MORN1: variants seen among roughly 807,000 people sequenced by gnomAD.
The protein encoded by MORN1 is MORN repeat-containing protein 1.
Under a neutral mutation model 61.9 loss-of-function variants are expected in MORN1, and 67 were observed. The observed-to-expected ratio is 1.08, with a 90% CI of 0.89 to 1.33. The LOEUF is 1.33. MORN1 is among the 40% of genes most tolerant of loss of function. The pLI, the probability that MORN1 is intolerant of heterozygous loss-of-function variation, is 0.00. For synonymous variants in MORN1, 301 were observed against 292.0 expected (o/e 1.03, Z -0.31); for missense variants, 752 against 691.2 (o/e 1.09, Z -0.99).
chr1:2,387,033 T>G, intron 4 of MORN1: 1 of 212,548 alleles, frequency 4.7e-6, no homozygotes, highest in Non-Finnish European at 9.7e-6. Flanking sequence ...CTGGCAGAGT[T>G]GCTGTGACTA....
chr1:2,353,344 C>A (rs1390698847), intron 10 of MORN1, among the ~76,000 whole-genome samples: 3 of 152,264 alleles, frequency 2.0e-5, no homozygotes, highest in Non-Finnish European at 4.4e-5. Flanking sequence ...CCTGTCCCTG[C>A]TGGCTGGTTG....
intron 9 of MORN1, among the ~76,000 whole-genome samples, chr1:2,358,319 G>C (rs1438703998): frequency 2.0e-5 from 3 of 152,146 alleles, no homozygotes; most frequent in Non-Finnish European, 4.4e-5. Flanking sequence ...CTCCAGACAC[G>C]GACCCAGGCC....
intron 10 of MORN1, among the ~76,000 whole-genome samples, chr1:2,345,087 G>C (rs184052726): frequency 1.3e-5 from 2 of 151,900 alleles, no homozygotes; most frequent in Non-Finnish European, 2.9e-5. Flanking sequence ...GGGTCCACGC[G>C]TGCTCACGCT....
intron 10 of MORN1, among the ~76,000 whole-genome samples, chr1:2,339,906 G>A (rs959234263): frequency 1.3e-5 from 2 of 152,240 alleles, no homozygotes; most frequent in South Asian, 2.1e-4. Flanking sequence ...GCTGCTCCCC[G>A]TGGAGCACGG....
chr1:2,335,747 C>G (rs1641251160), intron 12 of MORN1, among the ~76,000 whole-genome samples: 1 of 151,712 alleles, frequency 6.6e-6, no homozygotes. Context: ...AACCCAGCAG[C>G]TCCTCCACAG....
intron 8 of MORN1, among the ~76,000 whole-genome samples, chr1:2,360,228 A>G (rs767302507): frequency 9.2e-5 from 14 of 152,216 alleles, no homozygotes; most frequent in Non-Finnish European, 1.8e-4. Flanking sequence ...AAGATCTGGC[A>G]AAGGAGACAC....
chr1:2,363,054 C>T (rs1641924175), intron 8 of MORN1: 1 of 152,164 alleles, frequency 6.6e-6, no homozygotes, highest in Non-Finnish European at 1.5e-5. Context: ...TGTGGGTCAA[C>T]AGAAGAGACT....
intron 8 of MORN1, among the ~76,000 whole-genome samples, chr1:2,370,317 T>A (rs1398779810): frequency 6.6e-6 from 1 of 152,222 alleles, no homozygotes; most frequent in Non-Finnish European, 1.5e-5. Context: ...AATTTAGAAC[T>A]TTATCTTTTC....
At chr1:2,380,273 A>T (rs969753909) in intron 6 of MORN1, among the ~76,000 whole-genome samples, 1 of 152,196 alleles carries the variant, frequency 6.6e-6, no homozygotes, top group African/African-American at 2.4e-5. Context: ...GGAAGCTGAC[A>T]AAGTTCTGGA....
intron 10 of MORN1, among the ~76,000 whole-genome samples, chr1:2,338,800 T>A (rs1641336386): frequency 1.3e-5 from 2 of 152,132 alleles, no homozygotes; most frequent in African/African-American, 4.8e-5. Context: ...TGCCTGGTGA[T>A]CACAATGGCT....
rs376157869 is a variant in MORN1 at position 2,342,838 on chromosome 1, TTA to T, written c.1037-5990_1037-5989del. Among the ~76,000 whole-genome samples the T allele has an allele frequency of 8.2e-3, 713 of 86,856 alleles. 4 individuals are homozygous for T. The highest frequency in any genetic ancestry group is 0.011 in the Non-Finnish European group (449 of 39,382). The allele number at this position is 86,856 out of a possible 152,430, so 57.0% of individuals were successfully genotyped here. A position where few individuals can be genotyped will look rare whatever the true frequency, so the allele number is the denominator to read the frequency against. On this transcript the variant is annotated intron_variant, in intron 10 of 13. Transcript: ENST00000378531. ...GCCTTTTTAAATATTTTATTTTATT[TTA>T]TATTTTATTTTATTTTATTTTATTT... is the stretch of plus-strand genomic sequence containing the variant.
Position 2,321,570 on chromosome 1 carries a change from A to C in MORN1, c.1307T>G (p.Val436Gly), listed in dbSNP as rs1158974120. The change falls in exon 14 of 14, where the codon GTG becomes GGG. Residue 436 changes from valine (V) to glycine (G), a missense_variant. Val to Gly is a moderately radical substitution (Grantham distance 109). Coordinates refer to ENST00000378531, the MANE Select transcript of MORN1 (RefSeq NM_024848.3). ...GGTGGTCACGTCGCGGATCATGAGC[A>C]CGTACTCCCCTGCAAGGGGCGGGTG... ...QAAAAHLGEYVLMIRDVTTPP... is the reference protein window; with the variant it reads ...QAAAAHLGEYGLMIRDVTTPP... 6.6e-7 allele frequency: 1 copy of C among 1,507,894 alleles called. No homozygotes were observed. Among genetic ancestry groups the C allele is most frequent in the South Asian group, 1.3e-5 (1 of 77,682 alleles). The allele number at this position is 1,507,894 out of a possible 1,614,324, so 93.4% of individuals were successfully genotyped here.
At chr1:2,365,783 T>C (rs1641984305) in intron 8 of MORN1, among the ~76,000 whole-genome samples, 1 of 152,050 alleles carries the variant, frequency 6.6e-6, no homozygotes, top group African/African-American at 2.4e-5. Context: ...TGAGATACCA[T>C]CTCAAACCAG....
At chr1:2,348,414 T>TC (rs2100282509) in intron 10 of MORN1, among the ~76,000 whole-genome samples, 1 of 152,024 alleles carries the variant, frequency 6.6e-6, no homozygotes, top group East Asian at 1.9e-4. Flanking sequence ...GGGAGCTGAC[T>TC]CCTCCTCCCT....
Position 2,339,738 on chromosome 1 carries a change from C to T in MORN1, c.1037-2888G>A, listed in dbSNP as rs75195304. ...CTTCAGTCCATTGTTTACACGGGAC[C>T]CTCACACGGAAGCCAGGTCAGTCCC... On this transcript the variant is annotated intron_variant, in intron 10 of 13. Coordinates refer to ENST00000378531, the MANE Select transcript of MORN1 (RefSeq NM_024848.3). Among the ~76,000 whole-genome samples the T allele has an allele frequency of 7.7e-3, 1,171 of 152,284 alleles. 16 individuals carry two copies. The highest frequency in any genetic ancestry group is 0.026 in the African/African-American group (1,079 of 41,568).
At position 2,321,310 on chromosome 1, in the gene MORN1, G is replaced by A; in HGVS notation, c.*73C>T. 2 of 1,136,826 alleles carry A rather than the reference G, an allele frequency of 1.8e-6. No individual in the cohort carries two copies. Among genetic ancestry groups the A allele is most frequent in the Non-Finnish European group, 2.4e-6 (2 of 829,340 alleles). The allele number at this position is 1,136,826 out of a possible 1,614,324, so 70.4% of individuals were successfully genotyped here. Reference sequence around the variant, plus strand: ...AACCACGGGGCTCTGGAGAATCGGGGAGCAGAGTCACGCAAGCAGAGGCAG... The same window carrying A: ...AACCACGGGGCTCTGGAGAATCGGGAAGCAGAGTCACGCAAGCAGAGGCAG... On this transcript the variant is annotated 3_prime_UTR_variant, in exon 14 of 14. Transcript: ENST00000378531.
intron 12 of MORN1, among the ~76,000 whole-genome samples, chr1:2,336,020 C>T (rs1212954961): frequency 2.6e-5 from 4 of 152,288 alleles, no homozygotes; most frequent in East Asian, 3.9e-4. Flanking sequence ...GGCCACAAAC[C>T]CCCCACGGTG....
Position 2,372,609 on chromosome 1 carries a change from G to A in MORN1, c.635-18C>T. 6.2e-7 allele frequency: 1 copy of A among 1,602,660 alleles called. No individual in the cohort carries two copies. The highest frequency in any genetic ancestry group is 8.5e-7 in the Non-Finnish European group (1 of 1,172,096). ...AGCTTGTTCTGGGAGAGGACAGAGT[G>A]TGGCTTTAGCGGTGACTGGCATGGT... On this transcript the variant is annotated intron_variant, in intron 7 of 13. Coordinates refer to ENST00000378531, the MANE Select transcript of MORN1 (RefSeq NM_024848.3). The surrounding 1 kb of genome is among the most constrained non-coding windows in gnomAD (Gnocchi z 5.4).
At chr1:2,391,345 C>T (rs1642657256) in intron 1 of MORN1, 113 bp downstream of exon 1, 1 of 1,188,728 alleles carries the variant, frequency 8.4e-7, no homozygotes, top group African/African-American at 1.6e-5. Context: ...CGCCGCGGCA[C>T]CTGGACCTCT....
Sources: gnomAD v4.1 joint callset for allele counts (sites outside exome capture counted in the v4.1 genomes callset) on GRCh38, gnomAD v4.1.1 for gene constraint, Gnocchi (gnomAD v3.1) non-coding constraint, MANE v1.5 for transcripts, NCBI Gene and HGNC (gene_info 2026-07-23, HGNC 2026-07-21) for gene names.